SHANK2: variants seen among roughly 807,000 people sequenced by gnomAD.
SHANK2 encodes SH3 and multiple ankyrin repeat domains 2.
In SHANK2, 43 loss-of-function variants were observed where a neutral mutation model predicts 133.7. That is an observed-to-expected ratio of 0.32 (90% confidence interval 0.25 to 0.41). SHANK2 has a LOEUF of 0.41. SHANK2 is among the 10% of genes least tolerant of loss of function. The pLI is 1.00. For missense variants in SHANK2, 1,994 were observed against 2,235.8 expected, an observed-to-expected ratio of 0.89 and a Z score of 2.18; for synonymous variants, 1,017 against 952.8, an observed-to-expected ratio of 1.07 and a Z score of -1.24.
At chr11:70,809,928 G>C (rs1948243234) in intron 12 of SHANK2, among the ~76,000 whole-genome samples, 1 of 152,196 alleles carries the variant, frequency 6.6e-6, no homozygotes, top group South Asian at 2.1e-4. Flanking sequence ...GACTCCTGGG[G>C]GCACAGGTGT....
intron 10 of SHANK2, among the ~76,000 whole-genome samples, chr11:70,946,186 C>CT (rs200928503): frequency 6.0e-5 from 9 of 150,586 alleles, no homozygotes; most frequent in South Asian, 2.1e-4. Flanking sequence ...CAACCCTTCC[C>CT]AGGCTCAACC....
At chr11:71,131,270 G>A (rs1952300761) in intron 3 of SHANK2, among the ~76,000 whole-genome samples, 1 of 152,206 alleles carries the variant, frequency 6.6e-6, no homozygotes, top group African/African-American at 2.4e-5. Flanking sequence ...TAAAACCCCG[G>A]CACGGGTAAC....
At chr11:70,811,637 T>TCATCCATCCATCCATCCATC (rs140137476) in intron 12 of SHANK2, among the ~76,000 whole-genome samples, 2 of 147,518 alleles carry the variant, frequency 1.4e-5, no homozygotes, top group African/African-American at 5.0e-5. Flanking sequence ...ATCCATCCAC[T>TCATCCATCCATCCATCCATC]CATCCATCCA....
At chr11:70,637,425 G>T (rs1237967942) in intron 17 of SHANK2, among the ~76,000 whole-genome samples, 1 of 152,134 alleles carries the variant, frequency 6.6e-6, no homozygotes, top group Non-Finnish European at 1.5e-5. Flanking sequence ...GTGGGGCTGG[G>T]CTGGGTGTTT....
At chr11:70,780,787 T>G (rs1441238863) in intron 14 of SHANK2, among the ~76,000 whole-genome samples, 1 of 152,144 alleles carries the variant, frequency 6.6e-6, no homozygotes, top group African/African-American at 2.4e-5. Context: ...TTGGTCACGC[T>G]GGTCTCAAAC....
At chr11:70,863,027 G>A (rs1404370411) in intron 11 of SHANK2, among the ~76,000 whole-genome samples, 8 of 152,190 alleles carry the variant, frequency 5.3e-5, no homozygotes, top group African/African-American at 1.9e-4. Flanking sequence ...CAGGGCAGAG[G>A]CTGCTCCGCA....
At chr11:71,176,077 C>G (rs1435096769) in intron 2 of SHANK2, among the ~76,000 whole-genome samples, 1 of 152,228 alleles carries the variant, frequency 6.6e-6, no homozygotes, top group Admixed American at 6.5e-5. Context: ...AGGCCAGGAA[C>G]AGTGTCTGTT....
chr11:70,760,620 G>A (rs781917052), intron 14 of SHANK2, among the ~76,000 whole-genome samples: 4 of 152,254 alleles, frequency 2.6e-5, no homozygotes, highest in Non-Finnish European at 5.9e-5. Context: ...CAGGACCCTT[G>A]AGGGGACTCG....
chr11:70,740,503 C>A (rs371519028), intron 14 of SHANK2, among the ~76,000 whole-genome samples: 1 of 152,252 alleles, frequency 6.6e-6, no homozygotes, highest in East Asian at 1.9e-4. Context: ...CTCAAATCCT[C>A]GGTTGTAAAC....
intron 17 of SHANK2, among the ~76,000 whole-genome samples, chr11:70,646,703 G>A (rs11237057): frequency 0.26 from 39,319 of 152,084 alleles, 6,246 homozygotes; most frequent in Admixed American, 0.34. Context: ...CTAACCCCAC[G>A]TGGTCCAGTC....
chr11:70,643,831 CCAA>C (rs2061221304), intron 17 of SHANK2, among the ~76,000 whole-genome samples: 1 of 151,836 alleles, frequency 6.6e-6, no homozygotes, highest in Non-Finnish European at 1.5e-5. Context: ...GGAAGACTGA[CCAA>C]CAACAAAAGG....
At chr11:70,817,000 C>T (rs1427784778) in intron 12 of SHANK2, among the ~76,000 whole-genome samples, 2 of 152,246 alleles carry the variant, frequency 1.3e-5, no homozygotes, top group Non-Finnish European at 2.9e-5. Context: ...TGAACTGGCT[C>T]CCTTCTGTGC....
At chr11:70,657,394 C>T (rs1231396916) in intron 17 of SHANK2, among the ~76,000 whole-genome samples, 3 of 152,328 alleles carry the variant, frequency 2.0e-5, no homozygotes, top group Admixed American at 6.5e-5. Flanking sequence ...GGAACAAACA[C>T]GCACCTATTA....
intron 10 of SHANK2, among the ~76,000 whole-genome samples, chr11:70,928,627 G>T (rs1394565180): frequency 2.0e-5 from 3 of 151,886 alleles, no homozygotes; most frequent in Non-Finnish European, 4.4e-5. Context: ...AGGAAGACTG[G>T]GTGGGGGCAT....
rs576565412 is a variant in SHANK2, at chr11:71,245,607, T to G, written c.-113+6818A>C. Among the ~76,000 whole-genome samples the G allele has an allele frequency of 3.9e-5, 6 of 152,354 alleles. No individual in the cohort carries two copies. The East Asian group carries it at 9.7e-4, about 25-fold the overall frequency. On this transcript the variant is annotated intron_variant, in intron 1 of 25. Transcript: ENST00000601538. ...GGAGGCCGGGGAAGCGACCGGTGCC[T>G]TCTTCTGCACGGTGGAGTGGGCAGC...
At chr11:70,759,070 A>C (rs540430289) in intron 14 of SHANK2, among the ~76,000 whole-genome samples, 4 of 152,070 alleles carry the variant, frequency 2.6e-5, no homozygotes, top group Middle Eastern at 3.4e-3. Context: ...AAGACAGAGA[A>C]CTGCTTGAAC....
chr11:70,884,975 C>G (rs1464897842), intron 11 of SHANK2, among the ~76,000 whole-genome samples: 1 of 152,222 alleles, frequency 6.6e-6, no homozygotes, highest in African/African-American at 2.4e-5. Context: ...CCCACCTCAG[C>G]CTACCAAAGT....
intron 14 of SHANK2, among the ~76,000 whole-genome samples, chr11:70,704,588 GA>G (rs1269535526): frequency 1.2e-4 from 18 of 152,134 alleles, no homozygotes; most frequent in Non-Finnish European, 2.6e-4. Context: ...TCTGTAGTCT[GA>G]CTGCTGAGAA....
At chr11:70,872,168 G>A (rs895126853) in intron 11 of SHANK2, 7 of 154,748 alleles carry the variant, frequency 4.5e-5, no homozygotes, top group African/African-American at 1.7e-4. Flanking sequence ...ATCATGCTAA[G>A]TAGGATAAAT....
Sources: gnomAD v4.1 joint callset for allele counts (sites outside exome capture counted in the v4.1 genomes callset) on GRCh38, gnomAD v4.1.1 for gene constraint, MANE v1.5 for transcripts, NCBI Gene and HGNC (gene_info 2026-07-23, HGNC 2026-07-21) for gene names.